CWH43: variants seen among roughly 807,000 people sequenced by gnomAD.
The protein encoded by CWH43 is cell wall biogenesis 43 C-terminal homolog.
CWH43 carries 91 observed loss-of-function variants against 85.7 expected under a neutral mutation model. The observed-to-expected ratio is 1.06, with a 90% confidence interval of 0.90 to 1.26. The LOEUF (loss-of-function observed/expected upper bound fraction) is 1.26, where lower values mean the gene tolerates loss of function less well. Ranked by LOEUF, CWH43 falls within the 50% of genes most tolerant of loss-of-function variation. The pLI, the probability that CWH43 is intolerant of heterozygous loss-of-function variation, is 0.00. For missense variants in CWH43, 869 were observed against 839.2 expected (o/e 1.04, Z -0.44); for synonymous variants, 323 against 293.6 (o/e 1.10, Z -1.02).
At chr4:49,025,983 G>A (rs1432157918) in intron 9 of CWH43, among the ~76,000 whole-genome samples, 6 of 152,092 alleles carry the variant, frequency 3.9e-5, no homozygotes, top group Non-Finnish European at 7.3e-5. Context: ...GCAGGGTTAG[G>A]TGTGTCTGAG....
chr4:48,988,344 A>G, intron 1 of CWH43, 133 bp from the exon 2 acceptor site: 2 of 599,512 alleles, frequency 3.3e-6, no homozygotes, highest in South Asian at 2.7e-5. Context: ...AGTGGAGACA[A>G]CTGGAACCCA....
chr4:49,007,044 G>A lies in CWH43; in HGVS notation c.1061-157G>A, dbSNP rs1783181734. 3 of 751,850 alleles carry A rather than the reference G, an allele frequency of 4.0e-6. No individual in the cohort carries two copies. The South Asian group carries it at 1.4e-4, about 35-fold the overall frequency. 46.6% of individuals were successfully genotyped at this position (751,850 alleles called of 1,614,324 possible). On this transcript the variant is annotated intron_variant, in intron 7 of 15. Coordinates refer to ENST00000226432, the MANE Select transcript of CWH43 (RefSeq NM_025087.3). ...ACCTGATATTTTCCAGTTATCAAAAGCACTACTAGAGTAATTGTTTAGGTT... is the reference window on the plus strand; with the variant it reads ...ACCTGATATTTTCCAGTTATCAAAAACACTACTAGAGTAATTGTTTAGGTT...
At chr4:49,054,680 T>G (rs938079175) in intron 15 of CWH43, among the ~76,000 whole-genome samples, 3 of 152,166 alleles carry the variant, frequency 2.0e-5, no homozygotes, top group Non-Finnish European at 4.4e-5. Flanking sequence ...TTCAATTTCT[T>G]TCATCATTAT....
At chr4:49,059,888 C>T (rs536406198) in intron 15 of CWH43, among the ~76,000 whole-genome samples, 1 of 152,030 alleles carries the variant, frequency 6.6e-6, no homozygotes, top group South Asian at 2.1e-4. Flanking sequence ...GCAGGAGCCA[C>T]CCTGGTGCTG....
intron 6 of CWH43, among the ~76,000 whole-genome samples, chr4:48,998,804 T>C (rs1317767100): frequency 6.6e-6 from 1 of 152,178 alleles, no homozygotes; most frequent in East Asian, 1.9e-4. Flanking sequence ...TACACTGCCA[T>C]AATACTACCT....
chr4:49,052,102 C>A (rs750643344), intron 15 of CWH43, among the ~76,000 whole-genome samples: 29 of 152,124 alleles, frequency 1.9e-4, no homozygotes, highest in Non-Finnish European at 3.5e-4. Context: ...TTCTCTTTTT[C>A]TTCTTTGTCC....
At chr4:49,016,299 C>T (rs1206846187) in intron 8 of CWH43, among the ~76,000 whole-genome samples, 6 of 152,068 alleles carry the variant, frequency 3.9e-5, no homozygotes, top group African/African-American at 1.4e-4. Context: ...TGTTTATTCC[C>T]TCCCATGTGA....
At chr4:49,034,988 A>G (rs1560506622) in intron 12 of CWH43, among the ~76,000 whole-genome samples, 1 of 152,208 alleles carries the variant, frequency 6.6e-6, no homozygotes, top group East Asian at 1.9e-4. Flanking sequence ...GACATGTCCC[A>G]AGCACACAGC....
chr4:49,036,049 GGC>G (rs1784251740), intron 12 of CWH43, among the ~76,000 whole-genome samples: 1 of 152,186 alleles, frequency 6.6e-6, no homozygotes, highest in Non-Finnish European at 1.5e-5. Context: ...CCTGCCTTAA[GGC>G]CGAAGGAACA....
At chr4:48,998,223 A>G (rs1162812200) in intron 5 of CWH43, among the ~76,000 whole-genome samples, 1 of 152,196 alleles carries the variant, frequency 6.6e-6, no homozygotes, top group Non-Finnish European at 1.5e-5. Flanking sequence ...AAGCTTGGTT[A>G]CTGTGTTTAC....
chr4:48,991,303 A>G (rs963469199), intron 2 of CWH43, 151 bp from the exon 3 acceptor site: 1 of 723,608 alleles, frequency 1.4e-6, no homozygotes, highest in Non-Finnish European at 2.2e-6. Context: ...ATTGTATTTC[A>G]ATAAAAATTT....
Position 48,995,514 on chromosome 4 carries a change from G to A in CWH43, c.713+694G>A, listed in dbSNP as rs575053855. 2.8e-3 allele frequency among the ~76,000 whole-genome samples: 427 copies of A among 152,306 alleles called. 4 individuals are homozygous for A. The highest frequency in any genetic ancestry group is 6.8e-3 in the Middle Eastern group (2 of 292). On this transcript the variant is annotated intron_variant, in intron 5 of 15. Transcript: ENST00000226432. ...GATATCTTTTCTCTCTTGTAGTGCT[G>A]AATTCTTACAATTGAAGGCATGCAG...
At chr4:49,012,897 G>A (rs985842674) in intron 8 of CWH43, among the ~76,000 whole-genome samples, 9 of 152,344 alleles carry the variant, frequency 5.9e-5, no homozygotes, top group African/African-American at 1.7e-4. Flanking sequence ...TGTATGAGGT[G>A]TCTGTTAGCC....
At chr4:48,999,083 A>G (rs1577658226) in intron 6 of CWH43, among the ~76,000 whole-genome samples, 1 of 151,800 alleles carries the variant, frequency 6.6e-6, no homozygotes, top group Non-Finnish European at 1.5e-5. Context: ...CTCTCCTCCT[A>G]CCTGCCTCTG....
chr4:49,030,925 A>C lies in CWH43; in HGVS notation c.1473A>C (p.Thr491=), dbSNP rs774360137. 1.2e-6 allele frequency: 2 copies of C among 1,610,016 alleles called. No individual in the cohort carries two copies. The highest frequency in any genetic ancestry group is 1.7e-5 in the Admixed American group (1 of 59,266). Residue 491 remains threonine (T), a synonymous_variant, in exon 11 of 16, where the codon ACA becomes ACC. Transcript: ENST00000226432. ...TAGGGGAAAAGTTGGGTTTCTATACAGACTTTGGTCCAAGCACAAGGTATC... is the reference window on the plus strand; with the variant it reads ...TAGGGGAAAAGTTGGGTTTCTATACCGACTTTGGTCCAAGCACAAGGTATC... ...MWLGEKLGFY[T]DFGPSTRYHT...
At chr4:49,031,583 TC>T (rs1294641067) in intron 11 of CWH43, among the ~76,000 whole-genome samples, 1 of 152,078 alleles carries the variant, frequency 6.6e-6, no homozygotes, top group Non-Finnish European at 1.5e-5. Context: ...CTCCATTTTA[TC>T]CAGTTGTGAT....
chr4:49,009,242 G>A (rs531664980), intron 8 of CWH43, among the ~76,000 whole-genome samples: 74 of 152,226 alleles, frequency 4.9e-4, no homozygotes, highest in Admixed American at 2.5e-3. Flanking sequence ...TAGCAATTGT[G>A]AATGGAAGTT....
chr4:48,986,359 G>A lies in CWH43; in HGVS notation c.-71G>A. The A allele has an allele frequency of 6.9e-7, 1 of 1,443,398 alleles. No individual in the cohort carries two copies. Among genetic ancestry groups the A allele is most frequent in the Non-Finnish European group, 9.4e-7 (1 of 1,066,512 alleles). 89.4% of individuals were successfully genotyped at this position (1,443,398 alleles called of 1,614,324 possible). ...GGGAGGACGCGGCGGCGGGAACCTG[G>A]GGGCGCAGGGCTAGGGCAGCGGGCC... On this transcript the variant is annotated 5_prime_UTR_variant, in exon 1 of 16. Transcript: ENST00000226432.
intron 13 of CWH43, among the ~76,000 whole-genome samples, chr4:49,040,787 C>T (rs1172494085): frequency 2.0e-5 from 3 of 149,598 alleles, no homozygotes; most frequent in Admixed American, 2.0e-4. Flanking sequence ...GTTGCCATTG[C>T]TTTTGGTGTT....
Sources: gnomAD v4.1 joint callset for allele counts (sites outside exome capture counted in the v4.1 genomes callset) on GRCh38, gnomAD v4.1.1 for gene constraint, MANE v1.5 for transcripts, NCBI Gene and HGNC (gene_info 2026-07-23, HGNC 2026-07-21) for gene names.